Variants in KCNH7 observed in about 807,000 individuals in gnomAD.
The protein encoded by KCNH7 is potassium voltage-gated channel subfamily H member 7.
In KCNH7, 49 loss-of-function variants were observed where a neutral mutation model predicts 120.8. The observed-to-expected ratio is 0.41, with a 90% confidence interval of 0.32 to 0.51. The LOEUF is 0.51. Ranked by LOEUF, KCNH7 falls within the 20% of genes least tolerant of loss-of-function variation. The probability of loss-of-function intolerance (pLI) is 0.38; values close to 1 mark genes in which losing one functional copy is unlikely to be tolerated. For missense variants in KCNH7, 1,097 were observed against 1,446.6 expected (o/e 0.76, Z 3.92); for synonymous variants, 547 against 516.1 (o/e 1.06, Z -0.81).
At chr2:162,819,863 T>C (rs1023801537) in intron 2 of KCNH7, among the ~76,000 whole-genome samples, 1 of 152,142 alleles carries the variant, frequency 6.6e-6, no homozygotes, top group South Asian at 2.1e-4. Flanking sequence ...TTGCTGTTTT[T>C]TGGATTTTGT....
intron 2 of KCNH7, among the ~76,000 whole-genome samples, chr2:162,641,305 C>T (rs574167580): frequency 2.0e-5 from 3 of 152,216 alleles, no homozygotes; most frequent in South Asian, 2.1e-4. Flanking sequence ...ACATGTGTAT[C>T]GTGGAATACT....
intron 2 of KCNH7, among the ~76,000 whole-genome samples, chr2:162,591,462 T>A (rs1395282527): frequency 6.6e-6 from 1 of 151,988 alleles, no homozygotes; most frequent in Non-Finnish European, 1.5e-5. Flanking sequence ...TCCCCTAGAA[T>A]TAAACAGCGA....
chr2:162,569,058 A>G (rs370199639), intron 2 of KCNH7, among the ~76,000 whole-genome samples: 8 of 152,048 alleles, frequency 5.3e-5, no homozygotes, highest in African/African-American at 1.9e-4. Context: ...TGAGTTAGGG[A>G]GGATTCCCTC....
intron 2 of KCNH7, among the ~76,000 whole-genome samples, chr2:162,816,643 A>G (rs1159135870): frequency 6.6e-6 from 1 of 152,170 alleles, no homozygotes; most frequent in African/African-American, 2.4e-5. Context: ...CTGATTCACC[A>G]CTGCTATAAG....
chr2:162,442,798 T>C (rs1164369568), intron 7 of KCNH7, among the ~76,000 whole-genome samples: 1 of 152,066 alleles, frequency 6.6e-6, no homozygotes, highest in African/African-American at 2.4e-5. Context: ...AGAGGCTGCA[T>C]TGAGCTGAGA....
intron 3 of KCNH7, among the ~76,000 whole-genome samples, chr2:162,518,539 A>T (rs564486777): frequency 4.5e-4 from 69 of 151,968 alleles, no homozygotes; most frequent in Middle Eastern, 3.4e-3. Flanking sequence ...AAGTCCAGGG[A>T]TAGACACAGG....
At chr2:162,692,058 T>C (rs1375662218) in intron 2 of KCNH7, among the ~76,000 whole-genome samples, 1 of 152,146 alleles carries the variant, frequency 6.6e-6, no homozygotes, top group African/African-American at 2.4e-5. Flanking sequence ...CCTGCATCTA[T>C]TTATCATTAA....
At chr2:162,602,505 C>T (rs1694591918) in intron 2 of KCNH7, among the ~76,000 whole-genome samples, 1 of 152,074 alleles carries the variant, frequency 6.6e-6, no homozygotes, top group Non-Finnish European at 1.5e-5. Flanking sequence ...AATTGAGCCA[C>T]CTCTCTGTTC....
At chr2:162,767,135 G>A (rs1682848771) in intron 2 of KCNH7, among the ~76,000 whole-genome samples, 1 of 151,858 alleles carries the variant, frequency 6.6e-6, no homozygotes, top group Non-Finnish European at 1.5e-5. Context: ...TCATATTCAT[G>A]GGCATAAATG....
intron 2 of KCNH7, among the ~76,000 whole-genome samples, chr2:162,630,258 A>G (rs1683717961): frequency 6.6e-6 from 1 of 152,136 alleles, no homozygotes; most frequent in African/African-American, 2.4e-5. Context: ...CAATAGCCAT[A>G]GGATCTGTGG....
intron 2 of KCNH7, among the ~76,000 whole-genome samples, chr2:162,616,102 A>G (rs1176191480): frequency 6.6e-6 from 1 of 152,198 alleles, no homozygotes; most frequent in Non-Finnish European, 1.5e-5. Context: ...GATTGTGTAC[A>G]GGTTATGACA....
In KCNH7 at chr2:162,371,739, CCT is replaced by C; in HGVS notation, c.*88_*89del. ...TGCATATAATGGTACCTTGTGAGCC[CCT>C]GAGTCAAGTAGAGAGGATTTAAATA... On this transcript the variant is annotated 3_prime_UTR_variant, in exon 16 of 16. Transcript: ENST00000332142. 1 of 1,243,950 alleles carries C rather than the reference CCT, an allele frequency of 8.0e-7. No individual in the cohort carries two copies. Among genetic ancestry groups the C allele is most frequent in the Non-Finnish European group, 1.1e-6 (1 of 896,672 alleles). The allele number at this position is 1,243,950 out of a possible 1,614,324, so 77.1% of individuals were successfully genotyped here. A position where few individuals can be genotyped will look rare whatever the true frequency, so the allele number is the denominator to read the frequency against.
intron 6 of KCNH7, among the ~76,000 whole-genome samples, chr2:162,450,699 G>A (rs1048616043): frequency 7.9e-5 from 12 of 151,940 alleles, no homozygotes; most frequent in African/African-American, 2.2e-4. Flanking sequence ...TTCTTTCTAT[G>A]GATATCAGTT....
intron 2 of KCNH7, among the ~76,000 whole-genome samples, chr2:162,670,062 C>T (rs1685289998): frequency 6.6e-6 from 1 of 152,112 alleles, no homozygotes; most frequent in Non-Finnish European, 1.5e-5. Context: ...GATTGCGCCA[C>T]TGTACTCCAG....
At position 162,373,679 on chromosome 2, in the gene KCNH7, A is replaced by C; in HGVS notation, c.3132-17T>G. ...GATTCAAGCCTACAGAACAGACAGA[A>C]GTAGGAAAAGACAGTCTAAAATAGT... is the stretch of plus-strand genomic sequence containing the variant. On this transcript the variant is annotated splice_polypyrimidine_tract_variant and intron_variant, in intron 14 of 15. Transcript: ENST00000332142. 1 of 1,435,496 alleles carries C rather than the reference A, an allele frequency of 7.0e-7. No individual in the cohort carries two copies. Among genetic ancestry groups the C allele is most frequent in the Non-Finnish European group, 9.2e-7 (1 of 1,088,282 alleles). The allele number at this position is 1,435,496 out of a possible 1,614,324, so 88.9% of individuals were successfully genotyped here.
chr2:162,537,116 T>C (rs1357957113), intron 2 of KCNH7, 36 bp from the exon 3 acceptor site: 3 of 1,540,724 alleles, frequency 1.9e-6, no homozygotes, highest in East Asian at 2.3e-5. Context: ...GTTAAAAATA[T>C]GCCTTCATTC....
intron 2 of KCNH7, among the ~76,000 whole-genome samples, chr2:162,792,466 T>G (rs1683982576): frequency 6.6e-6 from 1 of 152,074 alleles, no homozygotes; most frequent in South Asian, 2.1e-4. Context: ...CAGAGCTTAT[T>G]ATTGGTCTGT....
At chr2:162,660,631 T>C (rs1334952700) in intron 2 of KCNH7, among the ~76,000 whole-genome samples, 1 of 152,224 alleles carries the variant, frequency 6.6e-6, no homozygotes, top group African/African-American at 2.4e-5. Context: ...AATTGGTTGA[T>C]GCTGCTGTTG....
At chr2:162,519,842 T>G (rs1405144394) in intron 3 of KCNH7, among the ~76,000 whole-genome samples, 2 of 151,838 alleles carry the variant, frequency 1.3e-5, no homozygotes, top group African/African-American at 4.8e-5. Flanking sequence ...CACCATTATC[T>G]TTAATATATT....
Sources: allele counts gnomAD v4.1 joint callset (sites outside exome capture counted in the v4.1 genomes callset), GRCh38; gene constraint gnomAD v4.1.1; transcripts MANE v1.5; gene names NCBI Gene and HGNC (gene_info 2026-07-23, HGNC 2026-07-21).